Variants in SLX4IP observed in about 807,000 individuals in gnomAD.
The protein encoded by SLX4IP is protein SLX4IP.
Under a neutral mutation model 32.9 loss-of-function variants are expected in SLX4IP, and 34 were observed. That is an observed-to-expected ratio of 1.03 (90% CI 0.79 to 1.38). The LOEUF (loss-of-function observed/expected upper bound fraction) is 1.38, where lower values mean the gene tolerates loss of function less well. Ranked by LOEUF, SLX4IP falls within the 40% of genes most tolerant of loss-of-function variation. SLX4IP has a pLI of 0.00. For synonymous variants in SLX4IP, 172 were observed against 171.7 expected, an observed-to-expected ratio of 1.00 and a Z score of -0.01; for missense variants, 444 against 479.0, an observed-to-expected ratio of 0.93 and a Z score of 0.68.
intron 1 of SLX4IP, among the ~76,000 whole-genome samples, chr20:10,439,264 A>G (rs1447218825): frequency 6.6e-6 from 1 of 151,826 alleles, no homozygotes; most frequent in African/African-American, 2.4e-5. Context: ...GCTGGAGTGC[A>G]GTGGTATGAT....
intron 1 of SLX4IP, among the ~76,000 whole-genome samples, chr20:10,454,228 G>A (rs73260093): frequency 0.066 from 10,084 of 152,198 alleles, 408 homozygotes; most frequent in East Asian, 0.2. Flanking sequence ...CTCTGCATAT[G>A]GGTGTGGGGC....
At chr20:10,567,906 G>A (rs889265572) in intron 4 of SLX4IP, among the ~76,000 whole-genome samples, 4 of 152,170 alleles carry the variant, frequency 2.6e-5, no homozygotes, top group African/African-American at 9.7e-5. Flanking sequence ...CCATCCCATT[G>A]GGCAGTGCCA....
chr20:10,615,800 A>G (rs2067019714), intron 6 of SLX4IP, among the ~76,000 whole-genome samples: 1 of 152,210 alleles, frequency 6.6e-6, no homozygotes, highest in African/African-American at 2.4e-5. Flanking sequence ...TGCCTCCAAG[A>G]TGATGTCTCA....
At chr20:10,479,352 C>A (rs368208159) in intron 2 of SLX4IP, among the ~76,000 whole-genome samples, 1 of 73,726 alleles carries the variant, frequency 1.4e-5, no homozygotes, top group South Asian at 6.5e-4. Context: ...TTCCATATTT[C>A]TTTTTTTTTT....
In SLX4IP at chr20:10,435,399, C is replaced by T. The variant is rs1568679353; in HGVS notation, c.-84C>T. On this transcript the variant is annotated 5_prime_UTR_variant, in exon 1 of 8. Transcript: ENST00000334534. ...AGCCAGGTACTACTCCGCCAGTGACCCTGGACAGTAACAAAACATATAAAG... is the reference window on the plus strand; with the variant it reads ...AGCCAGGTACTACTCCGCCAGTGACTCTGGACAGTAACAAAACATATAAAG... 1 of 152,210 alleles carries T rather than the reference C, an allele frequency of 6.6e-6. No individual in the cohort carries two copies. The highest frequency in any genetic ancestry group is 1.5e-5 in the Non-Finnish European group (1 of 68,072). The allele number at this position is 152,210 out of a possible 1,614,324, so 9.4% of individuals were successfully genotyped here. A position where few individuals can be genotyped will look rare whatever the true frequency, so the allele number is the denominator to read the frequency against.
chr20:10,467,337 G>C (rs1488503839), intron 2 of SLX4IP, among the ~76,000 whole-genome samples: 4 of 152,178 alleles, frequency 2.6e-5, no homozygotes, highest in Admixed American at 2.6e-4. Context: ...TGCCTAAACA[G>C]AATAAATCAC....
rs548278804 is a variant in SLX4IP at position 10,553,740 on chromosome 20, T to C, written c.28-2491T>C. Among the ~76,000 whole-genome samples, 16 of 152,358 alleles carry C rather than the reference T, an allele frequency of 1.1e-4. No homozygotes were observed. In the South Asian group the frequency reaches 2.5e-3, roughly 24 times the overall value. The stretch of plus-strand genomic sequence containing the variant: ...TTCTTGATCTAACCATATGACACAT[T>C]GATATTTTGTATTGCATTCTAATAT... On this transcript the variant is annotated intron_variant, in intron 2 of 7. Transcript: ENST00000334534.
At chr20:10,437,095 C>T (rs1159188545) in intron 1 of SLX4IP, among the ~76,000 whole-genome samples, 3 of 152,024 alleles carry the variant, frequency 2.0e-5, no homozygotes, top group Non-Finnish European at 4.4e-5. Context: ...TGGCACCTTG[C>T]TTTCTTCTGT....
chr20:10,454,321 CTT>C (rs1367345248), intron 1 of SLX4IP, among the ~76,000 whole-genome samples: 2 of 152,256 alleles, frequency 1.3e-5, no homozygotes, highest in East Asian at 3.9e-4. Flanking sequence ...TAGACAGTGT[CTT>C]TTAGGTTAGT....
intron 2 of SLX4IP, among the ~76,000 whole-genome samples, chr20:10,473,471 T>C (rs1207030824): frequency 2.0e-5 from 3 of 152,206 alleles, no homozygotes; most frequent in African/African-American, 7.2e-5. Flanking sequence ...TTTTAGTAAG[T>C]GTTAGGCATT....
intron 4 of SLX4IP, among the ~76,000 whole-genome samples, chr20:10,564,387 TGTAG>T: frequency 6.6e-6 from 1 of 152,316 alleles, no homozygotes; most frequent in South Asian, 2.1e-4. Context: ...GTTGTTTCTG[TGTAG>T]GTAGTTTGGA....
At chr20:10,478,409 G>T (rs1409634078) in intron 2 of SLX4IP, among the ~76,000 whole-genome samples, 1 of 152,200 alleles carries the variant, frequency 6.6e-6, no homozygotes, top group Non-Finnish European at 1.5e-5. Flanking sequence ...AATTTGCTCA[G>T]TTGGGAGGTA....
chr20:10,485,269 G>A (rs923702063), intron 2 of SLX4IP, among the ~76,000 whole-genome samples: 2 of 151,946 alleles, frequency 1.3e-5, no homozygotes, highest in African/African-American at 4.8e-5. Context: ...ATAACATGGG[G>A]GTTAGGGCTA....
chr20:10,484,826 G>T (rs2122386752), intron 2 of SLX4IP, among the ~76,000 whole-genome samples: 1 of 152,236 alleles, frequency 6.6e-6, no homozygotes, highest in Middle Eastern at 3.4e-3. Flanking sequence ...TGTCCATATA[G>T]TGCCTGAAGA....
intron 2 of SLX4IP, among the ~76,000 whole-genome samples, chr20:10,460,312 C>T (rs1392612222): frequency 1.3e-5 from 2 of 152,214 alleles, no homozygotes; most frequent in African/African-American, 4.8e-5. Context: ...CACCTTAAAA[C>T]TTAGTGGCTT....
At chr20:10,484,889 A>C (rs1158081167) in intron 2 of SLX4IP, among the ~76,000 whole-genome samples, 1 of 152,096 alleles carries the variant, frequency 6.6e-6, no homozygotes, top group Non-Finnish European at 1.5e-5. Context: ...GGTGGTACCC[A>C]TGTGGGTACA....
At chr20:10,615,808 T>G (rs2067019859) in intron 6 of SLX4IP, among the ~76,000 whole-genome samples, 1 of 152,188 alleles carries the variant, frequency 6.6e-6, no homozygotes, top group African/African-American at 2.4e-5. Flanking sequence ...AGATGATGTC[T>G]CATTGCTGTA....
At chr20:10,612,501 A>G (rs2066978375) in intron 6 of SLX4IP, among the ~76,000 whole-genome samples, 1 of 152,172 alleles carries the variant, frequency 6.6e-6, no homozygotes. Context: ...ATGTTTTGTA[A>G]TATTCTACTG....
rs1375471671 is a variant in SLX4IP at position 10,623,104 on chromosome 20, T to G, written c.952T>G (p.Leu318Val). Residue 318 changes from leucine to valine, a missense_variant, in exon 8 of 8, where the codon TTA (leucine) becomes GTA (valine). Leu to Val is a conservative substitution (Grantham distance 32). Coordinates refer to ENST00000334534, the MANE Select transcript of SLX4IP (RefSeq NM_001009608.3). The part of the protein sequence containing the change: ...HGRVSLGSDR[L>V]VPREIIVEKS... ...GAGAGTTTCTCTTGGAAGTGATCGATTAGTCCCGAGAGAAATAATAGTGGA... is the reference window on the plus strand; with the variant it reads ...GAGAGTTTCTCTTGGAAGTGATCGAGTAGTCCCGAGAGAAATAATAGTGGA... 2.5e-6 allele frequency: 4 copies of G among 1,613,996 alleles called. No individual in the cohort carries two copies. The highest frequency in any genetic ancestry group is 3.3e-5 in the Admixed American group (2 of 59,998).
Sources: gnomAD v4.1 joint callset for allele counts (sites outside exome capture counted in the v4.1 genomes callset) on GRCh38, gnomAD v4.1.1 for gene constraint, MANE v1.5 for transcripts, NCBI Gene and HGNC (gene_info 2026-07-23, HGNC 2026-07-21) for gene names.